Variants in PLXNA4 observed in about 807,000 individuals in gnomAD.
PLXNA4 encodes plexin-A4.
Under a neutral mutation model 191.8 loss-of-function variants are expected in PLXNA4, and 44 were observed. That is an observed-to-expected ratio of 0.23 (90% CI 0.18 to 0.29). The LOEUF (loss-of-function observed/expected upper bound fraction) is 0.29. Among genes scored for constraint, PLXNA4 ranks in the 10% least tolerant of loss-of-function variants. The pLI, the probability that PLXNA4 is intolerant of heterozygous loss-of-function variation, is 1.00. For synonymous variants in PLXNA4, 1,082 were observed against 1,009.5 expected, an observed-to-expected ratio of 1.07 and a Z score of -1.36; for missense variants, 1,800 against 2,488.8, an observed-to-expected ratio of 0.72 and a Z score of 5.89.
chr7:132,468,760 C>T (rs572399878), intron 3 of PLXNA4, among the ~76,000 whole-genome samples: 2 of 151,546 alleles, frequency 1.3e-5, no homozygotes, highest in East Asian at 3.9e-4. Context: ...ACACACAATA[C>T]ACACACACAA....
intron 3 of PLXNA4, chr7:132,385,035 A>G: frequency 6.9e-7 from 1 of 1,450,024 alleles, no homozygotes; most frequent in Non-Finnish European, 9.1e-7. Flanking sequence ...CATTCTCCAA[A>G]GTCTTTTTTC....
intron 3 of PLXNA4, among the ~76,000 whole-genome samples, chr7:132,460,979 C>T (rs1459540185): frequency 6.6e-6 from 1 of 151,838 alleles, no homozygotes; most frequent in South Asian, 2.1e-4. Flanking sequence ...AGGATAATCA[C>T]AAGAAATATT....
rs192602488 is a variant in PLXNA4 at position 132,423,322 on chromosome 7, G to A, written c.1371+65970C>T. Among the ~76,000 whole-genome samples the A allele has an allele frequency of 8.5e-4, 129 of 152,284 alleles. 1 individual carries two copies. Among genetic ancestry groups the A allele is most frequent in the Non-Finnish European group, 1.4e-3 (96 of 68,014 alleles). On this transcript the variant is annotated intron_variant, in intron 3 of 31. Coordinates refer to ENST00000321063, the MANE Select transcript of PLXNA4 (RefSeq NM_020911.2). ...CTTTTCCCAACCTGCCAAAGCTTAC[G>A]TAGTGAAGGGACGCTCCCAAGTCCA... is the stretch of plus-strand genomic sequence containing the variant.
chr7:132,538,048 G>T (rs545750776), intron 1 of PLXNA4, among the ~76,000 whole-genome samples: 1 of 152,322 alleles, frequency 6.6e-6, no homozygotes, highest in East Asian at 1.9e-4. Context: ...CCAAGAAAAG[G>T]ATCAGACAAT....
intron 5 of PLXNA4, 53 bp from the exon 6 acceptor site, chr7:132,228,522 A>C (rs1798413052): frequency 6.2e-7 from 1 of 1,606,198 alleles, no homozygotes; most frequent in African/African-American, 1.3e-5. Context: ...TGGTCCAGGG[A>C]GGGGCGGATG....
intron 3 of PLXNA4, among the ~76,000 whole-genome samples, chr7:132,343,781 G>T (rs547397416): frequency 6.6e-6 from 1 of 152,276 alleles, no homozygotes; most frequent in East Asian, 1.9e-4. Flanking sequence ...GCTGGGCATG[G>T]TGGTGCACAC....
intron 4 of PLXNA4, among the ~76,000 whole-genome samples, chr7:132,282,858 C>T (rs2116407116): frequency 6.6e-6 from 1 of 152,036 alleles, no homozygotes; most frequent in South Asian, 2.1e-4. Flanking sequence ...GATATTGGGT[C>T]ATCAGCATTC....
intron 3 of PLXNA4, among the ~76,000 whole-genome samples, chr7:132,465,420 T>C (rs1038796684): frequency 3.9e-5 from 6 of 152,244 alleles, no homozygotes; most frequent in African/African-American, 1.4e-4. Flanking sequence ...CTCTAAACTC[T>C]AAAAAGTTTT....
rs771852886 is a variant in PLXNA4 at position 132,226,171 on chromosome 7, C to T, written c.1972G>A (p.Val658Ile). The T allele has an allele frequency of 5.1e-5, 82 of 1,613,574 alleles. No individual in the cohort carries two copies. Among genetic ancestry groups the T allele is most frequent in the Middle Eastern group, 1.7e-4 (1 of 5,992 alleles). Reference protein sequence around the residue: ...STSFVFYNCSVHNSCLSCVES... With the variant: ...STSFVFYNCSIHNSCLSCVES... ...GCTGGGGCCACTTACGAATTGTGGA[C>T]GCTGCAATTGTAGAAGACAAAGCTG... Residue 658 changes from valine to isoleucine, a missense_variant, in exon 8 of 32, where the codon GTC (valine) becomes ATC (isoleucine). Physicochemically the swap from Val to Ile is conservative, Grantham distance 29. Transcript: ENST00000321063.
chr7:132,461,349 G>C (rs577044267), intron 3 of PLXNA4, among the ~76,000 whole-genome samples: 1 of 152,120 alleles, frequency 6.6e-6, no homozygotes, highest in Non-Finnish European at 1.5e-5. Context: ...ATGCAAAAAA[G>C]AAAGTGACAG....
intron 4 of PLXNA4, among the ~76,000 whole-genome samples, chr7:132,292,039 C>G (rs1327256195): frequency 6.6e-6 from 1 of 152,166 alleles, no homozygotes; most frequent in Admixed American, 6.5e-5. Context: ...AGGTGACCTG[C>G]CCTCCTCAGC....
intron 3 of PLXNA4, among the ~76,000 whole-genome samples, chr7:132,416,315 T>G (rs1794659875): frequency 6.6e-6 from 1 of 152,194 alleles, no homozygotes; most frequent in African/African-American, 2.4e-5. Flanking sequence ...ATGGATCAAT[T>G]GGTTGCTGTT....
intron 3 of PLXNA4, among the ~76,000 whole-genome samples, chr7:132,379,302 G>A (rs935059073): frequency 1.4e-4 from 21 of 152,158 alleles, no homozygotes; most frequent in Non-Finnish European, 2.2e-4. Context: ...GCATCCAAAG[G>A]GTGATTACAC....
rs374241344 is a variant in PLXNA4, at chr7:132,176,546, CAG to C, written c.3875-1628_3875-1627del. 4.1e-3 allele frequency among the ~76,000 whole-genome samples: 621 copies of C among 151,704 alleles called. 3 individuals carry two copies. The highest frequency in any genetic ancestry group is 0.014 in the African/African-American group (592 of 41,304). On this transcript the variant is annotated intron_variant, in intron 20 of 31. Coordinates refer to ENST00000321063, the MANE Select transcript of PLXNA4 (RefSeq NM_020911.2). ...AGTGTATGTGAGTGTGTGAGTGTGACAGTGTGTGAGCATGTCAGGGAGTGTGT... is the reference window on the plus strand; with the variant it reads ...AGTGTATGTGAGTGTGTGAGTGTGACTGTGTGAGCATGTCAGGGAGTGTGT...
At chr7:132,179,499 GCACA>G (rs375260363) in intron 20 of PLXNA4, among the ~76,000 whole-genome samples, 184 bp downstream of exon 20, 3 of 134,790 alleles carry the variant, frequency 2.2e-5, no homozygotes, top group African/African-American at 8.6e-5. Flanking sequence ...ATACAGATGT[GCACA>G]CACACACATG....
upstream of PLXNA4, among the ~76,000 whole-genome samples, chr7:132,579,456 CGTGT>C (rs1563185781): frequency 2.1e-5 from 3 of 146,214 alleles, no homozygotes; most frequent in South Asian, 6.6e-4. Context: ...TGTGTGTGTG[CGTGT>C]GTGTGTGAAT....
intron 2 of PLXNA4, among the ~76,000 whole-genome samples, chr7:132,632,425 C>A (rs1455172725): frequency 6.6e-6 from 1 of 152,112 alleles, no homozygotes; most frequent in Non-Finnish European, 1.5e-5. Context: ...CTATATTATT[C>A]CCACTTTACG....
intron 25 of PLXNA4, among the ~76,000 whole-genome samples, chr7:132,151,333 AAGG>A (rs1297920846): frequency 6.2e-3 from 225 of 36,288 alleles, no homozygotes; most frequent in Non-Finnish European, 5.9e-3. Context: ...GAGGAAGAAG[AAGG>A]AGGAGGAGGA....
intron 3 of PLXNA4, among the ~76,000 whole-genome samples, chr7:132,450,392 G>A (rs370184344): frequency 3.2e-4 from 49 of 152,322 alleles, no homozygotes; most frequent in African/African-American, 1.1e-3. Context: ...TCAGAGGTAG[G>A]CGGGACACGT....
Sources: gnomAD v4.1 joint callset for allele counts (sites outside exome capture counted in the v4.1 genomes callset) on GRCh38, gnomAD v4.1.1 for gene constraint, MANE v1.5 for transcripts, NCBI Gene and HGNC (gene_info 2026-07-23, HGNC 2026-07-21) for gene names.